Variants in LHFPL3 observed in about 807,000 individuals in gnomAD.
LHFPL3 encodes the protein LHFPL tetraspan subfamily member 3 protein.
In LHFPL3, 5 loss-of-function variants were observed where a neutral mutation model predicts 19.3. The observed-to-expected ratio is 0.26, with a 90% CI of 0.14 to 0.54. The LOEUF (loss-of-function observed/expected upper bound fraction) is 0.54, where lower values mean the gene tolerates loss of function less well. Among genes scored for constraint, LHFPL3 ranks in the 20% least tolerant of loss-of-function variants. The pLI is 0.94. For missense variants in LHFPL3, 249 were observed against 307.4 expected (o/e 0.81, Z 1.42); for synonymous variants, 133 against 126.2 (o/e 1.05, Z -0.36).
At chr7:104,757,642 C>T (rs1045476114) in intron 2 of LHFPL3, 1 of 152,218 alleles carries the variant, frequency 6.6e-6, no homozygotes, top group Admixed American at 6.5e-5. Context: ...CAAATCTAAA[C>T]CATAATGAGA....
intron 1 of LHFPL3, among the ~76,000 whole-genome samples, chr7:104,593,351 G>T (rs10242593): frequency 0.043 from 6,560 of 152,150 alleles, 158 homozygotes; most frequent in African/African-American, 0.062. Context: ...GAGTGGTTTT[G>T]AGTGAGTTTC....
intron 1 of LHFPL3, among the ~76,000 whole-genome samples, chr7:104,538,343 GC>G (rs1282881088): frequency 6.6e-6 from 1 of 152,162 alleles, no homozygotes; most frequent in Non-Finnish European, 1.5e-5. Flanking sequence ...AGTGTTGGTT[GC>G]CTGACTTTGC....
At chr7:104,393,300 C>G (rs188083479) in intron 1 of LHFPL3, among the ~76,000 whole-genome samples, 13 of 152,070 alleles carry the variant, frequency 8.5e-5, no homozygotes, top group African/African-American at 2.9e-4. Flanking sequence ...TATGACCTAG[C>G]AGTTCCACTC....
At chr7:104,711,596 T>C (rs193231794) in intron 1 of LHFPL3, among the ~76,000 whole-genome samples, 134 of 152,236 alleles carry the variant, frequency 8.8e-4, no homozygotes, top group Non-Finnish European at 1.7e-3. Context: ...TCTTGGAACA[T>C]AAATCAAGCT....
intron 1 of LHFPL3, among the ~76,000 whole-genome samples, chr7:104,692,562 G>A (rs754015531): frequency 5.9e-5 from 9 of 152,212 alleles, no homozygotes; most frequent in African/African-American, 1.2e-4. Context: ...TTCAGAGGGC[G>A]GTGCCCTTTG....
chr7:104,387,635 G>A lies in LHFPL3; in HGVS notation c.445+58411G>A, dbSNP rs369921762. Among the ~76,000 whole-genome samples, 107 of 152,190 alleles carry A rather than the reference G, an allele frequency of 7.0e-4. 1 individual carries two copies. Among genetic ancestry groups the A allele is most frequent in the African/African-American group, 2.4e-3 (100 of 41,524 alleles). On this transcript the variant is annotated intron_variant, in intron 1 of 2. Coordinates refer to ENST00000424859, the MANE Select transcript of LHFPL3 (RefSeq NM_199000.3). ...GAGGTGTGCAGGTAGAGAGAAAAGGGCAGCAAGAATACTTGAAGACATTTT... is the reference window on the plus strand; with the variant it reads ...GAGGTGTGCAGGTAGAGAGAAAAGGACAGCAAGAATACTTGAAGACATTTT...
chr7:104,790,723 T>C (rs1790008362), intron 2 of LHFPL3, among the ~76,000 whole-genome samples: 1 of 152,166 alleles, frequency 6.6e-6, no homozygotes, highest in Admixed American at 6.6e-5. Context: ...GCAGTGAAAT[T>C]CATATCCAAC....
At chr7:104,877,396 C>G (rs1396708635) in intron 2 of LHFPL3, among the ~76,000 whole-genome samples, 1 of 152,114 alleles carries the variant, frequency 6.6e-6, no homozygotes, top group Non-Finnish European at 1.5e-5. Flanking sequence ...ATGTAAACAG[C>G]TTTTAAAACT....
intron 1 of LHFPL3, among the ~76,000 whole-genome samples, chr7:104,557,476 C>T (rs926317256): frequency 2.1e-4 from 32 of 152,040 alleles, no homozygotes; most frequent in African/African-American, 6.7e-4. Context: ...ATGAGAACAG[C>T]GCAGGAAAGA....
Position 104,446,600 on chromosome 7 carries a change from G to A in LHFPL3, c.445+117376G>A, listed in dbSNP as rs146296867. Among the ~76,000 whole-genome samples the A allele has an allele frequency of 5.4e-3, 828 of 151,942 alleles. 46 individuals are homozygous for A. The East Asian group carries it at 0.13, about 24-fold the overall frequency. On this transcript the variant is annotated intron_variant, in intron 1 of 2. Coordinates refer to ENST00000424859, the MANE Select transcript of LHFPL3 (RefSeq NM_199000.3). ...TTTTTATTTGTTTGTGTATGAGATG[G>A]AGTCTCACTCTGTTGCCCAGGCTGG...
chr7:104,636,600 T>C (rs1316787513), intron 1 of LHFPL3, among the ~76,000 whole-genome samples: 1 of 152,146 alleles, frequency 6.6e-6, no homozygotes, highest in African/African-American at 2.4e-5. Flanking sequence ...TCTCATTATT[T>C]AGCTTCCACT....
At chr7:104,520,342 C>T (rs12705226) in intron 1 of LHFPL3, among the ~76,000 whole-genome samples, 4 of 141,118 alleles carry the variant, frequency 2.8e-5, no homozygotes, top group African/African-American at 5.4e-5. Context: ...TGCTGGATTC[C>T]GTTTGCCAGT....
intron 1 of LHFPL3, among the ~76,000 whole-genome samples, chr7:104,635,042 T>A (rs1791706565): frequency 6.6e-6 from 1 of 152,184 alleles, no homozygotes. Flanking sequence ...TAAAATGTTA[T>A]GTATATTTTT....
At chr7:104,457,914 T>C (rs1792578643) in intron 1 of LHFPL3, among the ~76,000 whole-genome samples, 1 of 145,374 alleles carries the variant, frequency 6.9e-6, no homozygotes, top group Non-Finnish European at 1.5e-5. Context: ...AAATGTCTTC[T>C]TTTGAGAAGT....
At chr7:104,616,857 C>T (rs1480701638) in intron 1 of LHFPL3, among the ~76,000 whole-genome samples, 1 of 152,102 alleles carries the variant, frequency 6.6e-6, no homozygotes, top group Non-Finnish European at 1.5e-5. Flanking sequence ...ACAGACACTT[C>T]TCAAAAGAAG....
chr7:104,506,260 C>T (rs1793696449), intron 1 of LHFPL3, among the ~76,000 whole-genome samples: 1 of 151,990 alleles, frequency 6.6e-6, no homozygotes, highest in African/African-American at 2.4e-5. Flanking sequence ...CCCACCCAAC[C>T]CCACCGCCGC....
chr7:104,892,879 G>T (rs780741977), intron 2 of LHFPL3, among the ~76,000 whole-genome samples: 3 of 151,552 alleles, frequency 2.0e-5, no homozygotes, highest in Non-Finnish European at 4.4e-5. Context: ...TTTTATTATG[G>T]TATGTATGTT....
At position 104,730,424 on chromosome 7, in the gene LHFPL3, A is replaced by C. The variant is rs552504656; in HGVS notation, c.446-6251A>C. 2.6e-5 allele frequency among the ~76,000 whole-genome samples: 4 copies of C among 152,290 alleles called. No homozygotes were observed. In the East Asian group the frequency reaches 7.7e-4, roughly 29 times the overall value. On this transcript the variant is annotated intron_variant, in intron 1 of 2. Coordinates refer to ENST00000424859, the MANE Select transcript of LHFPL3 (RefSeq NM_199000.3). ...AGCACCTGTTGTTTCCTGACTTTTTAAAGATCGCCATTCTAACTGGTGTCA... is the reference window on the plus strand; with the variant it reads ...AGCACCTGTTGTTTCCTGACTTTTTCAAGATCGCCATTCTAACTGGTGTCA...
intron 2 of LHFPL3, among the ~76,000 whole-genome samples, chr7:104,808,268 T>C (rs1031458682): frequency 3.3e-5 from 5 of 152,344 alleles, no homozygotes; most frequent in Admixed American, 3.3e-4. Flanking sequence ...ACACTCTTAC[T>C]TTGTATTCAT....
Sources: allele counts gnomAD v4.1 joint callset (sites outside exome capture counted in the v4.1 genomes callset), GRCh38; gene constraint gnomAD v4.1.1; transcripts MANE v1.5; gene names NCBI Gene and HGNC (gene_info 2026-07-23, HGNC 2026-07-21).